The following ADAM18 variants were observed in gnomAD, a reference collection of about 807,000 sequenced individuals.
ADAM18 encodes the protein ADAM metallopeptidase domain 18.
In ADAM18, 117 loss-of-function variants were observed where a neutral mutation model predicts 94.4. The observed-to-expected ratio is 1.24, with a 90% confidence interval of 1.07 to 1.45. ADAM18 has a LOEUF of 1.45. ADAM18 is among the 40% of genes most tolerant of loss of function. ADAM18 has a pLI of 0.00. For synonymous variants in ADAM18, 327 were observed against 291.6 expected (o/e 1.12, Z -1.24); for missense variants, 936 against 880.0 (o/e 1.06, Z -0.81).
intron 6 of ADAM18, among the ~76,000 whole-genome samples, chr8:39,613,243 C>T (rs1462961212): frequency 6.6e-6 from 1 of 152,192 alleles, no homozygotes; most frequent in African/African-American, 2.4e-5. Context: ...AATATTGTTG[C>T]CAGCATATCA....
chr8:39,684,106 T>C (rs899755207), intron 16 of ADAM18, among the ~76,000 whole-genome samples: 4 of 152,138 alleles, frequency 2.6e-5, no homozygotes, highest in Admixed American at 1.3e-4. Context: ...CACTCCAGTC[T>C]GGTCAACAAA....
chr8:39,720,931 A>T (rs1360339458), intron 18 of ADAM18, among the ~76,000 whole-genome samples: 6 of 151,502 alleles, frequency 4.0e-5, no homozygotes, highest in Non-Finnish European at 8.9e-5. Flanking sequence ...GAATATTCAC[A>T]GCAGCACTAT....
rs1331648903 is a variant in ADAM18 at position 39,609,135 on chromosome 8, C to T, written c.267+15C>T. 1.4e-5 allele frequency: 21 copies of T among 1,497,630 alleles called. No individual in the cohort carries two copies. Among genetic ancestry groups the T allele is most frequent in the African/African-American group, 2.8e-5 (2 of 70,770 alleles). The allele number at this position is 1,497,630 out of a possible 1,614,324, so 92.8% of individuals were successfully genotyped here. A position where few individuals can be genotyped will look rare whatever the true frequency, so the allele number is the denominator to read the frequency against. On this transcript the variant is annotated intron_variant, in intron 4 of 19. Coordinates refer to ENST00000265707, the MANE Select transcript of ADAM18 (RefSeq NM_014237.3). ...CATATTTTATGGTAAAGTAAGATAC[C>T]TTATTTTTTTTGTTAAAGTGGTTAT...
At chr8:39,665,038 A>G (rs905170896) in intron 13 of ADAM18, among the ~76,000 whole-genome samples, 19 of 152,316 alleles carry the variant, frequency 1.2e-4, no homozygotes, top group African/African-American at 4.6e-4. Flanking sequence ...CATCATAAAA[A>G]GGATAGGTGA....
intron 13 of ADAM18, among the ~76,000 whole-genome samples, chr8:39,665,154 T>C (rs962555360): frequency 2.0e-5 from 3 of 152,214 alleles, no homozygotes; most frequent in Admixed American, 2.0e-4. Flanking sequence ...GCTGTAATTA[T>C]GCTTTTGCAA....
chr8:39,613,203 C>T (rs1405991473), intron 6 of ADAM18, among the ~76,000 whole-genome samples: 1 of 152,208 alleles, frequency 6.6e-6, no homozygotes, highest in African/African-American at 2.4e-5. Context: ...ATCACCCTGA[C>T]AGAGCACTTT....
At chr8:39,722,230 T>C (rs1363484892) in intron 18 of ADAM18, among the ~76,000 whole-genome samples, 58 of 17,732 alleles carry the variant, frequency 3.3e-3, no homozygotes, top group Middle Eastern at 0.033. Flanking sequence ...TATATATATA[T>C]ATATATATAT....
chr8:39,643,272 C>A (rs931928626), intron 10 of ADAM18, among the ~76,000 whole-genome samples: 1 of 152,034 alleles, frequency 6.6e-6, no homozygotes, highest in Non-Finnish European at 1.5e-5. Context: ...TTTCTCTTGC[C>A]TGATTGCCTT....
chr8:39,594,470 A>T (rs1046482425), intron 2 of ADAM18, among the ~76,000 whole-genome samples: 11 of 151,710 alleles, frequency 7.3e-5, no homozygotes, highest in African/African-American at 2.7e-4. Flanking sequence ...TTGTTTAGAG[A>T]AATTTATTTA....
intron 18 of ADAM18, among the ~76,000 whole-genome samples, chr8:39,722,215 GTGTATATA>G (rs1375960905): frequency 4.4e-5 from 3 of 68,110 alleles, no homozygotes; most frequent in African/African-American, 2.7e-4. Context: ...GTGTGTGTGT[GTGTATATA>G]TATATATATA....
At chr8:39,700,366 C>T (rs1822031444) in intron 17 of ADAM18, among the ~76,000 whole-genome samples, 1 of 152,034 alleles carries the variant, frequency 6.6e-6, no homozygotes, top group Non-Finnish European at 1.5e-5. Context: ...AGCTTATCTG[C>T]CTTCTTGGTA....
chr8:39,605,252 T>G (rs12156286), intron 2 of ADAM18, among the ~76,000 whole-genome samples: 12,769 of 152,300 alleles, frequency 0.084, 690 homozygotes, highest in Non-Finnish European at 0.12. Context: ...TTTAGTAGGA[T>G]AGACCTCTGT....
chr8:39,679,269 T>A (rs1035224834), intron 15 of ADAM18, among the ~76,000 whole-genome samples: 1 of 152,142 alleles, frequency 6.6e-6, no homozygotes, highest in East Asian at 1.9e-4. Flanking sequence ...TAGAGACAGA[T>A]CAATGGCTAA....
chr8:39,683,736 T>G (rs1007933333), intron 16 of ADAM18, among the ~76,000 whole-genome samples: 1 of 152,262 alleles, frequency 6.6e-6, no homozygotes, highest in Non-Finnish European at 1.5e-5. Context: ...TTTAGCCTAT[T>G]TTTAATCAGA....
chr8:39,656,858 G>T (rs1820698921), intron 12 of ADAM18, among the ~76,000 whole-genome samples: 1 of 152,112 alleles, frequency 6.6e-6, no homozygotes, highest in Non-Finnish European at 1.5e-5. Flanking sequence ...AGCATAATTT[G>T]AAAACAACAA....
intron 2 of ADAM18, among the ~76,000 whole-genome samples, chr8:39,591,554 T>G (rs1022608186): frequency 1.3e-5 from 2 of 152,182 alleles, no homozygotes; most frequent in African/African-American, 4.8e-5. Flanking sequence ...GATAGCAAAA[T>G]TTCAGTCATA....
chr8:39,669,517 A>G (rs1214079705), intron 14 of ADAM18, among the ~76,000 whole-genome samples: 1 of 119,256 alleles, frequency 8.4e-6, no homozygotes, highest in East Asian at 2.5e-4. Context: ...TCCTGTGTCC[A>G]TGTGTTCTCA....
chr8:39,712,277 T>C (rs1305240834), intron 18 of ADAM18, among the ~76,000 whole-genome samples: 1 of 152,154 alleles, frequency 6.6e-6, no homozygotes, highest in Non-Finnish European at 1.5e-5. Flanking sequence ...AAACTAGGTA[T>C]TGATGGAATG....
At chr8:39,592,327 A>C (rs909015709) in intron 2 of ADAM18, among the ~76,000 whole-genome samples, 3 of 152,164 alleles carry the variant, frequency 2.0e-5, no homozygotes, top group African/African-American at 7.2e-5. Flanking sequence ...ACTGGTATCT[A>C]AATACCCATT....
Sources: gnomAD v4.1 joint callset for allele counts (sites outside exome capture counted in the v4.1 genomes callset) on GRCh38, gnomAD v4.1.1 for gene constraint, MANE v1.5 for transcripts, NCBI Gene and HGNC (gene_info 2026-07-23, HGNC 2026-07-21) for gene names.